The following FAM234A variants were observed in gnomAD, a reference collection of about 807,000 sequenced individuals.
The protein encoded by FAM234A is protein FAM234A.
A neutral mutation model predicts 49.1 loss-of-function variants in FAM234A; 42 were observed. The ratio of observed to expected loss-of-function variants is 0.86; its 90% CI spans 0.67 to 1.11. The LOEUF (loss-of-function observed/expected upper bound fraction) is 1.11. Among genes scored for constraint, FAM234A ranks in the 50% least tolerant of loss-of-function variants. FAM234A has a pLI of 0.00. For synonymous variants in FAM234A, 369 were observed against 316.2 expected (o/e 1.17, Z -1.77); for missense variants, 815 against 745.2 (o/e 1.09, Z -1.09).
At chr16:268,250 C>G (rs1048768192), downstream of FAM234A, 1 of 214,482 alleles carries the variant, frequency 4.7e-6, no homozygotes, top group African/African-American at 2.3e-5. Context: ...CATACGCACA[C>G]ACACCCATGC....
chr16:244,244 A>G (rs56314769), intron 1 of FAM234A, among the ~76,000 whole-genome samples: 24,658 of 152,248 alleles, frequency 0.16, 2,139 homozygotes, highest in Middle Eastern at 0.21. Flanking sequence ...CTGGGATTAC[A>G]GGCGTGAGCC....
At chr16:239,766 A>G (rs577467116) in intron 1 of FAM234A, among the ~76,000 whole-genome samples, 1 of 152,266 alleles carries the variant, frequency 6.6e-6, no homozygotes, top group Admixed American at 6.5e-5. Flanking sequence ...TTCGCCCTCA[A>G]CTTATTTTTA....
At chr16:251,256 G>A (rs1383322284) in intron 2 of FAM234A, among the ~76,000 whole-genome samples, 4 of 152,116 alleles carry the variant, frequency 2.6e-5, no homozygotes, top group East Asian at 3.9e-4. Flanking sequence ...GCGCCCAGCC[G>A]ATACGTTCAT....
At position 265,355 on chromosome 16, in the gene FAM234A, C is replaced by T. The variant is rs182727721; in HGVS notation, c.*333C>T. On this transcript the variant is annotated 3_prime_UTR_variant, in exon 13 of 13. Coordinates refer to ENST00000399932, the MANE Select transcript of FAM234A (RefSeq NM_032039.4). ...GGGCAGAGCTGGGTCATGCAGCACC[C>T]CATCCTTACCCGGTGCCCTCTCCTT... 4.7e-4 allele frequency: 514 copies of T among 1,100,570 alleles called. 3 individuals carry two copies. In the African/African-American group the frequency reaches 7.5e-3, roughly 16 times the overall value. 68.2% of individuals were successfully genotyped at this position (1,100,570 alleles called of 1,614,324 possible).
intron 1 of FAM234A, among the ~76,000 whole-genome samples, chr16:245,366 C>G (rs185786223): frequency 6.6e-6 from 1 of 152,076 alleles, no homozygotes; most frequent in African/African-American, 2.4e-5. Context: ...AAATGAAATG[C>G]TTAACTTTTG....
chr16:257,202 T>C (rs1471578225), intron 3 of FAM234A, among the ~76,000 whole-genome samples: 1 of 151,368 alleles, frequency 6.6e-6, no homozygotes, highest in Non-Finnish European at 1.5e-5. Flanking sequence ...GATAGTGTCC[T>C]TCGATGCATA....
rs201837334 is a variant in FAM234A, at chr16:263,783, G to A, written c.1188+8G>A. 4.3e-6 allele frequency: 7 copies of A among 1,609,544 alleles called. No homozygotes were observed. The African/African-American group carries it at 5.3e-5, about 12-fold the overall frequency. Reference sequence around the variant, plus strand: ...ACTGGCACCGACAGACAGGTTCGTTGTTCTTCCTTCGGAGGTGGCACCTTT... The same window carrying A: ...ACTGGCACCGACAGACAGGTTCGTTATTCTTCCTTCGGAGGTGGCACCTTT... On this transcript the variant is annotated splice_region_variant and intron_variant, in intron 10 of 12. Coordinates refer to ENST00000399932, the MANE Select transcript of FAM234A (RefSeq NM_032039.4).
chr16:264,810 G>T lies in FAM234A; in HGVS notation c.1448-1G>T. 1 of 1,608,520 alleles carries T rather than the reference G, an allele frequency of 6.2e-7. No individual in the cohort carries two copies. ...TGACAGCTGTGTCCCCCACCCTGCAGCCGTCCTGTTTGAGCCAAGCCGCCA... is the reference window on the plus strand; with the variant it reads ...TGACAGCTGTGTCCCCCACCCTGCATCCGTCCTGTTTGAGCCAAGCCGCCA... On this transcript the variant is annotated splice_acceptor_variant, in intron 12 of 12. Transcript: ENST00000399932. LOFTEE classifies it high-confidence loss of function.
At chr16:258,101 G>A (rs1202192163) in intron 3 of FAM234A, among the ~76,000 whole-genome samples, 8 of 151,384 alleles carry the variant, frequency 5.3e-5, no homozygotes, top group Non-Finnish European at 8.8e-5. Flanking sequence ...TGATCCACCC[G>A]CCTCGGCCTC....
intron 1 of FAM234A, among the ~76,000 whole-genome samples, chr16:238,207 C>T (rs567648474): frequency 1.4e-4 from 21 of 152,140 alleles, no homozygotes; most frequent in African/African-American, 4.8e-4. Flanking sequence ...TTGGTAGAGA[C>T]GAGGTTTCGC....
rs754857776 is a variant in FAM234A at position 262,199 on chromosome 16, G to A, written c.815G>A (p.Gly272Asp). ...TTCCTCCTTCACGTCACCAGGACAG[G>A]TGCCCACTACATCCTCTTTCCCTGC... ...SGFLLHVTRT[G>D]AHYILFPCAS... The change falls in exon 7 of 13, where the codon GGT becomes GAT. Residue 272 changes from glycine to aspartate, a missense_variant. Physicochemically the swap from Gly to Asp is moderately conservative, Grantham distance 94 (BLOSUM62 -1). Transcript: ENST00000399932. The A allele has an allele frequency of 6.2e-7, 1 of 1,613,968 alleles. No homozygotes were observed. Among genetic ancestry groups the A allele is most frequent in the African/African-American group, 1.3e-5 (1 of 75,058 alleles).
At position 264,010 on chromosome 16, in the gene FAM234A, C is replaced by T; in HGVS notation, c.1189-6C>T. On this transcript the variant is annotated splice_region_variant and splice_polypyrimidine_tract_variant and intron_variant, in intron 10 of 12. Transcript: ENST00000399932. ...TTGGCCCCCACAGTGTCCCCTCCCT[C>T]CCCAGATCCTGTTTCTGGACCTTGG... 1 of 1,609,888 alleles carries T rather than the reference C, an allele frequency of 6.2e-7. No individual in the cohort carries two copies. The highest frequency in any genetic ancestry group is 1.1e-5 in the South Asian group (1 of 90,822).
rs2051514183 is a variant in FAM234A, at chr16:262,606, G to T, written c.971+53G>T. The T allele has an allele frequency of 2.0e-6, 3 of 1,495,736 alleles. No homozygotes were observed. In the Admixed American group the frequency reaches 6.7e-5, roughly 33 times the overall value. 92.7% of individuals were successfully genotyped at this position (1,495,736 alleles called of 1,614,324 possible). ...TGCAGAGCGCCCACCCCATGGCTCT[G>T]CTCGCCTGCCTCAGCGTTCGGACAA... On this transcript the variant is annotated intron_variant, in intron 8 of 12. Transcript: ENST00000399932.
chr16:246,173 C>CTG (rs2050795085), intron 1 of FAM234A, among the ~76,000 whole-genome samples: 1 of 151,222 alleles, frequency 6.6e-6, no homozygotes. Context: ...CAAGATCACG[C>CTG]CATTGTACTC....
chr16:258,815 G>A (rs759097784), intron 3 of FAM234A, among the ~76,000 whole-genome samples: 7 of 152,202 alleles, frequency 4.6e-5, no homozygotes, highest in Non-Finnish European at 2.9e-5. Context: ...ATGGACTCCA[G>A]CTCTGTCGGC....
chr16:267,415 C>T (rs905673545), downstream of FAM234A, among the ~76,000 whole-genome samples: 4 of 152,078 alleles, frequency 2.6e-5, no homozygotes, highest in African/African-American at 9.7e-5. Flanking sequence ...TGCCCCCTCC[C>T]TCACCACACA....
chr16:236,733 C>T (rs1166403017), intron 1 of FAM234A, among the ~76,000 whole-genome samples: 3 of 147,736 alleles, frequency 2.0e-5, no homozygotes, highest in African/African-American at 5.0e-5. Flanking sequence ...GGTGAAACCC[C>T]GTCTCTACTA....
intron 1 of FAM234A, among the ~76,000 whole-genome samples, chr16:239,361 C>T (rs1482595839): frequency 6.6e-6 from 1 of 150,496 alleles, no homozygotes; most frequent in Non-Finnish European, 1.5e-5. Flanking sequence ...CGCCTGTAAT[C>T]CCAGCACTTT....
intron 1 of FAM234A, among the ~76,000 whole-genome samples, chr16:241,493 G>T (rs547205633): frequency 6.6e-6 from 1 of 152,174 alleles, no homozygotes; most frequent in African/African-American, 2.4e-5. Context: ...GGAGCCTGAG[G>T]CGGGAGGATC....
Sources: gnomAD v4.1 joint callset for allele counts (sites outside exome capture counted in the v4.1 genomes callset) on GRCh38, gnomAD v4.1.1 for gene constraint, MANE v1.5 for transcripts, NCBI Gene and HGNC (gene_info 2026-07-23, HGNC 2026-07-21) for gene names.